EBF2: variants seen among roughly 807,000 people sequenced by gnomAD.
EBF2 encodes the protein transcription factor COE2.
In EBF2, 21 loss-of-function variants were observed where a neutral mutation model predicts 72.8. That is an observed-to-expected ratio of 0.29 (90% confidence interval 0.20 to 0.42). The LOEUF (loss-of-function observed/expected upper bound fraction) is 0.42. Among genes scored for constraint, EBF2 ranks in the 10% least tolerant of loss-of-function variants. The probability of loss-of-function intolerance (pLI) is 1.00; values close to 1 mark genes in which losing one functional copy is unlikely to be tolerated. For synonymous variants in EBF2, 299 were observed against 274.2 expected (o/e 1.09, Z -0.89); for missense variants, 637 against 731.2 (o/e 0.87, Z 1.49).
intron 10 of EBF2, among the ~76,000 whole-genome samples, chr8:25,870,722 T>C (rs752605274): frequency 6.6e-6 from 1 of 152,160 alleles, no homozygotes; most frequent in Non-Finnish European, 1.5e-5. Context: ...GCTCCCAAAT[T>C]AGACATGGCA....
intron 7 of EBF2, 98 bp from the exon 8 acceptor site, chr8:25,889,967 T>C: frequency 1.0e-6 from 1 of 980,602 alleles, no homozygotes; most frequent in Non-Finnish European, 1.6e-6. Context: ...ACACTTCCAT[T>C]TGGCAAAGGG....
At chr8:25,894,392 A>G (rs1802833987) in intron 7 of EBF2, among the ~76,000 whole-genome samples, 2 of 152,146 alleles carry the variant, frequency 1.3e-5, no homozygotes, top group Non-Finnish European at 2.9e-5. Flanking sequence ...AAGGAAGTGG[A>G]ATGCGCATTC....
At position 25,913,659 on chromosome 8, in the gene EBF2, G is replaced by A. The variant is rs142258824; in HGVS notation, c.552-5104C>T. Reference sequence around the variant, plus strand: ...CACATTTTATACATCACAGGGATGAGAACACCCCAGGCTCTCCAAAGACCA... The same window carrying A: ...CACATTTTATACATCACAGGGATGAAAACACCCCAGGCTCTCCAAAGACCA... On this transcript the variant is annotated intron_variant, in intron 6 of 15. Transcript: ENST00000520164. Among the ~76,000 whole-genome samples, 470 of 152,256 alleles carry A rather than the reference G, an allele frequency of 3.1e-3. 7 individuals carry two copies. Among genetic ancestry groups the A allele is most frequent in the Admixed American group, 0.024 (366 of 15,298 alleles).
chr8:25,960,816 T>C (rs1368361598), intron 6 of EBF2, among the ~76,000 whole-genome samples: 1 of 152,216 alleles, frequency 6.6e-6, no homozygotes, highest in Non-Finnish European at 1.5e-5. Context: ...AAAACCAGAT[T>C]ATAATATGTA....
In EBF2 at chr8:25,890,966, T is replaced by G. The variant is rs564599044; in HGVS notation, c.634-1097A>C. Reference sequence around the variant, plus strand: ...GTTTGCGTCCTAACTGCTTTGCCCATGCTGGGCTTGACCAGACCATAAGAC... The same window carrying G: ...GTTTGCGTCCTAACTGCTTTGCCCAGGCTGGGCTTGACCAGACCATAAGAC... On this transcript the variant is annotated intron_variant, in intron 7 of 15. Coordinates refer to ENST00000520164, the MANE Select transcript of EBF2 (RefSeq NM_022659.4). Among the ~76,000 whole-genome samples the G allele has an allele frequency of 2.7e-3, 412 of 152,364 alleles. 1 individual carries two copies. Among genetic ancestry groups the G allele is most frequent in the Non-Finnish European group, 4.0e-3 (270 of 68,044 alleles).
chr8:25,912,294 T>C (rs1224520140), intron 6 of EBF2, among the ~76,000 whole-genome samples: 1 of 152,192 alleles, frequency 6.6e-6, no homozygotes, highest in Non-Finnish European at 1.5e-5. Context: ...ACAAGCTCCA[T>C]GTGGTGTTGC....
intron 10 of EBF2, among the ~76,000 whole-genome samples, chr8:25,878,844 C>T (rs755448864): frequency 6.6e-5 from 10 of 152,266 alleles, no homozygotes; most frequent in Non-Finnish European, 1.3e-4. Flanking sequence ...CGACTGCCCC[C>T]GAAGGCCCTT....
rs577077051 is a variant in EBF2, at chr8:25,901,820, G to A, written c.633+6654C>T. Among the ~76,000 whole-genome samples the A allele has an allele frequency of 3.0e-4, 45 of 152,318 alleles. 2 individuals are homozygous for A. The South Asian group carries it at 6.0e-3, about 20-fold the overall frequency. On this transcript the variant is annotated intron_variant, in intron 7 of 15. Transcript: ENST00000520164. ...ACCACAAACACAGCTGGCACTGTAC[G>A]GAAGCCCACTGCTTCCAGGAAAGTC...
chr8:25,897,360 G>A (rs1374299793), intron 7 of EBF2, among the ~76,000 whole-genome samples: 2 of 149,572 alleles, frequency 1.3e-5, no homozygotes, highest in Non-Finnish European at 3.0e-5. Flanking sequence ...TTTTTCTTGT[G>A]TAATTTCAAC....
chr8:25,850,834 A>G (rs1801952624), intron 14 of EBF2, 73 bp from the exon 15 acceptor site: 3 of 1,471,972 alleles, frequency 2.0e-6, no homozygotes, highest in Admixed American at 5.7e-5. Flanking sequence ...GCACACATTT[A>G]TTGAGAAATT....
chr8:25,858,619 G>A (rs2117258771), intron 13 of EBF2, 115 bp from the exon 14 acceptor site: 1 of 932,796 alleles, frequency 1.1e-6, no homozygotes, highest in East Asian at 2.6e-5. Flanking sequence ...GCTGCCCCGG[G>A]CAGTTGTAGG....
intron 6 of EBF2, among the ~76,000 whole-genome samples, chr8:25,993,759 T>C (rs1451093693): frequency 2.0e-5 from 3 of 152,016 alleles, no homozygotes; most frequent in African/African-American, 4.8e-5. Context: ...TTTTCTGAGC[T>C]GAAGAAATGT....
At chr8:25,988,854 C>T (rs1334407285) in intron 6 of EBF2, among the ~76,000 whole-genome samples, 11 of 152,186 alleles carry the variant, frequency 7.2e-5, no homozygotes, top group Admixed American at 7.2e-4. Context: ...AAAGCAAGAA[C>T]TTCTACTCAG....
intron 6 of EBF2, among the ~76,000 whole-genome samples, chr8:25,909,967 T>C (rs927509286): frequency 2.6e-5 from 4 of 152,178 alleles, no homozygotes; most frequent in African/African-American, 9.7e-5. Context: ...TTCAATCTTT[T>C]ATAGGGTGGG....
chr8:26,040,789 G>T, intron 3 of EBF2, 118 bp from the exon 4 acceptor site: 1 of 1,478,950 alleles, frequency 6.8e-7, no homozygotes, highest in Non-Finnish European at 9.2e-7. Flanking sequence ...CCGCCCTGGA[G>T]ACGGTGACCT....
intron 6 of EBF2, among the ~76,000 whole-genome samples, chr8:26,022,709 G>T (rs1395167168): frequency 6.6e-6 from 1 of 152,122 alleles, no homozygotes; most frequent in African/African-American, 2.4e-5. Flanking sequence ...GCTCCTTGGT[G>T]GTCTCGAGGG....
chr8:26,027,255 G>C (rs1805315805), intron 6 of EBF2, among the ~76,000 whole-genome samples: 1 of 152,124 alleles, frequency 6.6e-6, no homozygotes, highest in South Asian at 2.1e-4. Context: ...GAGACAGGAA[G>C]AACAAGTACG....
rs1805116807 is a variant in EBF2 at position 26,016,719 on chromosome 8, C to T, written c.551+16366G>A. ...TAGAACCTCCTCACTCTTTCCCTCC[C>T]TTCTTTTGATCTCAAGAAAACCTCG... is the stretch of plus-strand genomic sequence containing the variant. On this transcript the variant is annotated intron_variant, in intron 6 of 15. Coordinates refer to ENST00000520164, the MANE Select transcript of EBF2 (RefSeq NM_022659.4). 2.6e-5 allele frequency among the ~76,000 whole-genome samples: 4 copies of T among 152,248 alleles called. No individual in the cohort carries two copies. The South Asian group carries it at 8.3e-4, about 32-fold the overall frequency.
chr8:25,877,416 G>A (rs1366688382), intron 10 of EBF2, among the ~76,000 whole-genome samples: 4 of 152,188 alleles, frequency 2.6e-5, no homozygotes, highest in Admixed American at 2.6e-4. Context: ...CTGTTCTCAC[G>A]TGGCTCTCTC....
Sources: gnomAD v4.1 joint callset for allele counts (sites outside exome capture counted in the v4.1 genomes callset) on GRCh38, gnomAD v4.1.1 for gene constraint, MANE v1.5 for transcripts, NCBI Gene and HGNC (gene_info 2026-07-23, HGNC 2026-07-21) for gene names.